Variants in SPOCK3 observed in about 807,000 individuals in gnomAD.
SPOCK3 encodes SPARC (osteonectin), cwcv and kazal like domains proteoglycan 3.
SPOCK3 carries 30 observed loss-of-function variants against 56.6 expected under a neutral mutation model. The ratio of observed to expected loss-of-function variants is 0.53; its 90% CI spans 0.40 to 0.72. The LOEUF (loss-of-function observed/expected upper bound fraction) is 0.72. Among genes scored for constraint, SPOCK3 ranks in the 30% least tolerant of loss-of-function variants. SPOCK3 has a pLI of 0.00. For missense variants in SPOCK3, 527 were observed against 530.0 expected, an observed-to-expected ratio of 0.99 and a Z score of 0.06; for synonymous variants, 196 against 183.3, an observed-to-expected ratio of 1.07 and a Z score of -0.56.
chr4:166,847,288 T>G (rs866644398), intron 6 of SPOCK3, among the ~76,000 whole-genome samples: 2 of 152,212 alleles, frequency 1.3e-5, no homozygotes, highest in African/African-American at 4.8e-5. Context: ...ATTTTATTAT[T>G]CAGTCAGATA....
chr4:167,031,393 C>T (rs1448024054), intron 3 of SPOCK3, among the ~76,000 whole-genome samples: 2 of 151,804 alleles, frequency 1.3e-5, no homozygotes, highest in African/African-American at 2.4e-5. Context: ...AATATTATCC[C>T]GTTTTACTAA....
chr4:166,753,220 C>T (rs1004622416), intron 8 of SPOCK3, among the ~76,000 whole-genome samples: 1 of 151,886 alleles, frequency 6.6e-6, no homozygotes, highest in East Asian at 1.9e-4. Context: ...ATTAAAATAA[C>T]GTTTGTCATC....
chr4:167,061,415 A>C (rs138075304), intron 3 of SPOCK3, among the ~76,000 whole-genome samples: 24 of 152,134 alleles, frequency 1.6e-4, no homozygotes, highest in African/African-American at 5.5e-4. Flanking sequence ...CAAACACTGG[A>C]TAATAGTGAA....
chr4:167,196,305 C>A (rs760172122), intron 2 of SPOCK3, among the ~76,000 whole-genome samples: 17 of 152,120 alleles, frequency 1.1e-4, no homozygotes, highest in Non-Finnish European at 7.4e-5. Context: ...CTACACAGAA[C>A]TGCCAACATT....
chr4:167,050,306 T>C (rs1754080739), intron 3 of SPOCK3, among the ~76,000 whole-genome samples: 1 of 152,192 alleles, frequency 6.6e-6, no homozygotes, highest in African/African-American at 2.4e-5. Context: ...GCTAGTACCC[T>C]ATGATTCTCT....
intron 6 of SPOCK3, among the ~76,000 whole-genome samples, chr4:166,804,175 T>A: frequency 6.6e-6 from 1 of 152,120 alleles, no homozygotes; most frequent in Middle Eastern, 3.2e-3. Flanking sequence ...ACGTCAGAAT[T>A]CTGGGGCTGC....
intron 3 of SPOCK3, among the ~76,000 whole-genome samples, chr4:167,022,275 C>T (rs1048183128): frequency 6.6e-6 from 1 of 152,020 alleles, no homozygotes. Context: ...CTAGGATATT[C>T]ACATGAGACA....
intron 4 of SPOCK3, among the ~76,000 whole-genome samples, chr4:166,964,930 C>A (rs1333210426): frequency 6.6e-6 from 1 of 151,728 alleles, no homozygotes; most frequent in Non-Finnish European, 1.5e-5. Context: ...ATGTGAACAA[C>A]TGTAAAGATG....
chr4:167,209,855 G>C (rs1448003659), intron 2 of SPOCK3, among the ~76,000 whole-genome samples: 1 of 152,034 alleles, frequency 6.6e-6, no homozygotes, highest in African/African-American at 2.4e-5. Flanking sequence ...TAGACATCAT[G>C]GGAAAAAAAG....
chr4:167,014,803 T>A (rs976645123), intron 3 of SPOCK3, among the ~76,000 whole-genome samples: 3 of 151,764 alleles, frequency 2.0e-5, no homozygotes, highest in Non-Finnish European at 4.4e-5. Flanking sequence ...ATGGTCAGGG[T>A]GGGGCTGGGC....
Position 167,134,987 on chromosome 4 carries a change from A to G in SPOCK3, c.190-72450T>C, listed in dbSNP as rs567106200. Reference sequence around the variant, plus strand: ...CAGATCCATAAAGTGAAAAAGATTGATCCCAACACTGATCTTGACTTTTTA... The same window carrying G: ...CAGATCCATAAAGTGAAAAAGATTGGTCCCAACACTGATCTTGACTTTTTA... On this transcript the variant is annotated intron_variant, in intron 2 of 10. Transcript: ENST00000357545. Among the ~76,000 whole-genome samples, 11 of 151,976 alleles carry G rather than the reference A, an allele frequency of 7.2e-5. No individual in the cohort carries two copies. The East Asian group carries it at 2.1e-3, about 29-fold the overall frequency.
At chr4:166,950,028 T>A (rs1247075663) in intron 4 of SPOCK3, among the ~76,000 whole-genome samples, 1 of 150,338 alleles carries the variant, frequency 6.7e-6, no homozygotes, top group African/African-American at 2.5e-5. Context: ...CTGCATCAAC[T>A]AACGAGCAAA....
intron 6 of SPOCK3, among the ~76,000 whole-genome samples, chr4:166,795,674 T>C (rs1231730446): frequency 2.0e-5 from 3 of 150,408 alleles, no homozygotes; most frequent in Admixed American, 6.6e-5. Flanking sequence ...ATAAAGTTGA[T>C]ATATTTTATA....
chr4:166,871,854 A>G (rs1239929855), intron 6 of SPOCK3, among the ~76,000 whole-genome samples: 1 of 151,256 alleles, frequency 6.6e-6, no homozygotes, highest in Non-Finnish European at 1.5e-5. Flanking sequence ...GCAGTATTCC[A>G]AGAAGTAAGC....
intron 6 of SPOCK3, among the ~76,000 whole-genome samples, chr4:166,879,733 A>T (rs907558905): frequency 2.6e-5 from 4 of 152,138 alleles, no homozygotes; most frequent in Non-Finnish European, 4.4e-5. Context: ...GAATACTGAT[A>T]TGGTTTGGAT....
chr4:167,049,614 A>G (rs1402852756), intron 3 of SPOCK3, among the ~76,000 whole-genome samples: 1 of 152,216 alleles, frequency 6.6e-6, no homozygotes, highest in Admixed American at 6.5e-5. Flanking sequence ...AATCAGAAAA[A>G]TCATGCTCTA....
chr4:167,231,413 A>ATATACTTC (rs1737166930), intron 2 of SPOCK3, among the ~76,000 whole-genome samples: 1 of 152,090 alleles, frequency 6.6e-6, no homozygotes, highest in African/African-American at 2.4e-5. Context: ...ATGGGAAAAA[A>ATATACTTC]GCACAAAAGT....
chr4:166,811,390 TATG>T (rs1349503165), intron 6 of SPOCK3, among the ~76,000 whole-genome samples: 2 of 151,838 alleles, frequency 1.3e-5, no homozygotes, highest in African/African-American at 4.8e-5. Flanking sequence ...TCCCATAAGT[TATG>T]ATAACCTAGT....
intron 6 of SPOCK3, among the ~76,000 whole-genome samples, chr4:166,795,916 G>C (rs762441437): frequency 4.6e-5 from 7 of 152,124 alleles, no homozygotes; most frequent in Non-Finnish European, 1.0e-4. Context: ...CTAATCCACA[G>C]TCTTATGGTA....
Sources: gnomAD v4.1 joint callset for allele counts (sites outside exome capture counted in the v4.1 genomes callset) on GRCh38, gnomAD v4.1.1 for gene constraint, MANE v1.5 for transcripts, NCBI Gene and HGNC (gene_info 2026-07-23, HGNC 2026-07-21) for gene names.